The following GPR158 variants were observed in gnomAD, a reference collection of about 807,000 sequenced individuals.
GPR158 encodes the protein metabotropic glycine receptor.
A neutral mutation model predicts 78.2 loss-of-function variants in GPR158; 30 were observed. The ratio of observed to expected loss-of-function variants is 0.38; its 90% CI spans 0.29 to 0.52. The LOEUF (loss-of-function observed/expected upper bound fraction) is 0.52. GPR158 is among the 20% of genes least tolerant of loss of function. The probability of loss-of-function intolerance (pLI) is 0.83; values close to 1 mark genes in which losing one functional copy is unlikely to be tolerated. For missense variants in GPR158, 1,463 were observed against 1,523.5 expected, an observed-to-expected ratio of 0.96 and a Z score of 0.66; for synonymous variants, 581 against 591.1, an observed-to-expected ratio of 0.98 and a Z score of 0.25.
intron 2 of GPR158, among the ~76,000 whole-genome samples, chr10:25,254,253 A>G (rs992623335): frequency 6.6e-6 from 1 of 152,200 alleles, no homozygotes; most frequent in Non-Finnish European, 1.5e-5. Flanking sequence ...TGAAACATCC[A>G]TGGAGATACC....
intron 1 of GPR158, among the ~76,000 whole-genome samples, chr10:25,207,851 A>G (rs753415717): frequency 1.3e-5 from 2 of 152,236 alleles, no homozygotes; most frequent in Non-Finnish European, 1.5e-5. Flanking sequence ...GTTTTCATTT[A>G]TAAGATCTTT....
chr10:25,343,546 A>T (rs1855332617), intron 2 of GPR158, among the ~76,000 whole-genome samples: 1 of 152,118 alleles, frequency 6.6e-6, no homozygotes, highest in African/African-American at 2.4e-5. Context: ...AGAGTTGGTG[A>T]TCTCATAGTT....
intron 4 of GPR158, among the ~76,000 whole-genome samples, chr10:25,437,005 C>T (rs770764496): frequency 2.5e-4 from 38 of 152,022 alleles, no homozygotes; most frequent in African/African-American, 7.2e-4. Flanking sequence ...GGATTCAAAA[C>T]AGAGGGAGTT....
chr10:25,507,042 G>A (rs79475656), intron 5 of GPR158, among the ~76,000 whole-genome samples: 3,798 of 152,264 alleles, frequency 0.025, 70 homozygotes, highest in African/African-American at 0.051. Context: ...TCGGGTTCAT[G>A]ACATAAATCT....
At chr10:25,199,969 T>C (rs1564389380) in intron 1 of GPR158, among the ~76,000 whole-genome samples, 1 of 152,232 alleles carries the variant, frequency 6.6e-6, no homozygotes, top group Non-Finnish European at 1.5e-5. Context: ...AGTGCTGCAG[T>C]GAACATATGT....
In GPR158 at chr10:25,525,554, C is replaced by A. The variant is rs115992284; in HGVS notation, c.1405-25422C>A. On this transcript the variant is annotated intron_variant, in intron 5 of 10. Transcript: ENST00000376351. ...AAACATTGTGCTAAATCAAAAAAAG[C>A]AATCAAAAAAGACCATGGATTGCAT... is the stretch of plus-strand genomic sequence containing the variant. Among the ~76,000 whole-genome samples, 180 of 152,108 alleles carry A rather than the reference C, an allele frequency of 1.2e-3. 2 individuals are homozygous for A. Among genetic ancestry groups the A allele is most frequent in the African/African-American group, 4.0e-3 (166 of 41,518 alleles).
chr10:25,364,255 G>A (rs760730990), intron 2 of GPR158, among the ~76,000 whole-genome samples: 2 of 151,788 alleles, frequency 1.3e-5, no homozygotes, highest in Non-Finnish European at 2.9e-5. Context: ...CACCAGCATC[G>A]TCTTCTCAAT....
At chr10:25,294,450 T>G (rs1854483118) in intron 2 of GPR158, among the ~76,000 whole-genome samples, 1 of 152,214 alleles carries the variant, frequency 6.6e-6, no homozygotes, top group African/African-American at 2.4e-5. Context: ...AGGCATCCTT[T>G]TGCTGAATTT....
chr10:25,344,622 C>A (rs1855348236), intron 2 of GPR158, among the ~76,000 whole-genome samples: 1 of 151,948 alleles, frequency 6.6e-6, no homozygotes, highest in Non-Finnish European at 1.5e-5. Context: ...AAACATGATG[C>A]ATTTGCACCA....
chr10:25,534,780 TAGAC>T (rs199610615), intron 5 of GPR158, among the ~76,000 whole-genome samples: 60 of 146,978 alleles, frequency 4.1e-4, no homozygotes, highest in African/African-American at 1.4e-3. Context: ...AAAAGTTAGA[TAGAC>T]AGATAGACAG....
At chr10:25,535,467 G>A (rs555132875) in intron 5 of GPR158, among the ~76,000 whole-genome samples, 2 of 152,288 alleles carry the variant, frequency 1.3e-5, no homozygotes, top group Admixed American at 6.5e-5. Flanking sequence ...CCTCAGGGAG[G>A]CAAATGCTGA....
At chr10:25,464,915 C>A (rs1835402497) in intron 4 of GPR158, among the ~76,000 whole-genome samples, 1 of 152,170 alleles carries the variant, frequency 6.6e-6, no homozygotes, top group African/African-American at 2.4e-5. Flanking sequence ...TTTCTTTTCA[C>A]CAAAAGCGTC....
chr10:25,202,964 G>A (rs928553318), intron 1 of GPR158, among the ~76,000 whole-genome samples: 1 of 152,170 alleles, frequency 6.6e-6, no homozygotes, highest in African/African-American at 2.4e-5. Context: ...GTGTGAGATG[G>A]TATCTCATTG....
intron 2 of GPR158, among the ~76,000 whole-genome samples, chr10:25,222,723 G>GT (rs113572429): frequency 0.01 from 1,533 of 152,236 alleles, 34 homozygotes; most frequent in African/African-American, 0.034. Flanking sequence ...GCCACTTAGC[G>GT]TTGTCTTTTA....
At position 25,343,939 on chromosome 10, in the gene GPR158, G is replaced by C. The variant is rs549638891; in HGVS notation, c.1009-51972G>C. Among the ~76,000 whole-genome samples the C allele has an allele frequency of 5.9e-5, 9 of 152,040 alleles. No individual in the cohort carries two copies. The South Asian group carries it at 1.9e-3, about 32-fold the overall frequency. On this transcript the variant is annotated intron_variant, in intron 2 of 10. Coordinates refer to ENST00000376351, the MANE Select transcript of GPR158 (RefSeq NM_020752.3). ...TCAGGTGTTTTATTTAAGATCATTA[G>C]GCATATTAGAGAAAAATCGGTCATA...
At chr10:25,205,869 G>T (rs180736761) in intron 1 of GPR158, among the ~76,000 whole-genome samples, 1 of 151,798 alleles carries the variant, frequency 6.6e-6, no homozygotes, top group African/African-American at 2.4e-5. Context: ...GATGATTTTA[G>T]ATTATGTGCC....
intron 2 of GPR158, among the ~76,000 whole-genome samples, chr10:25,227,518 G>A (rs911914598): frequency 1.3e-5 from 2 of 152,052 alleles, no homozygotes; most frequent in Non-Finnish European, 2.9e-5. Context: ...AGGTGTACTA[G>A]GCCTCTCTCT....
In GPR158 at chr10:25,600,774, G is replaced by T. The variant is rs1330650211; in HGVS notation, c.*1500G>T. 2 of 152,280 alleles carry T rather than the reference G, an allele frequency of 1.3e-5. No homozygotes were observed. The highest frequency in any genetic ancestry group is 4.8e-5 in the African/African-American group (2 of 41,378). The allele number at this position is 152,280 out of a possible 1,614,324, so 9.4% of individuals were successfully genotyped here. ...CACTTGCTCGACATGTAACATGTAA[G>T]GTCCATTTGCAAAGCAAAGCAGCCC... On this transcript the variant is annotated 3_prime_UTR_variant, in exon 11 of 11. Transcript: ENST00000376351.
intron 2 of GPR158, among the ~76,000 whole-genome samples, chr10:25,360,262 C>T (rs1342661455): frequency 2.0e-5 from 3 of 152,108 alleles, no homozygotes; most frequent in African/African-American, 7.2e-5. Flanking sequence ...TAATTAGATC[C>T]CATTTGTCAA....
Sources: gnomAD v4.1 joint callset for allele counts (sites outside exome capture counted in the v4.1 genomes callset) on GRCh38, gnomAD v4.1.1 for gene constraint, MANE v1.5 for transcripts, NCBI Gene and HGNC (gene_info 2026-07-23, HGNC 2026-07-21) for gene names.